PSTPIP2: variants seen among roughly 807,000 people sequenced by gnomAD.
PSTPIP2 encodes proline-serine-threonine phosphatase-interacting protein 2.
A neutral mutation model predicts 63.3 loss-of-function variants in PSTPIP2; 33 were observed. The observed-to-expected ratio is 0.52, with a 90% CI of 0.40 to 0.70. The LOEUF (loss-of-function observed/expected upper bound fraction) is 0.70. PSTPIP2 is among the 30% of genes least tolerant of loss of function. PSTPIP2 has a pLI of 0.00. For synonymous variants in PSTPIP2, 125 were observed against 132.7 expected (o/e 0.94, Z 0.40); for missense variants, 312 against 400.7 (o/e 0.78, Z 1.89).
At chr18:45,990,635 G>A (rs2051518488) in intron 13 of PSTPIP2, 87 bp downstream of exon 13, 2 of 1,179,038 alleles carry the variant, frequency 1.7e-6, no homozygotes, top group East Asian at 2.4e-5. Flanking sequence ...TCACCATGTT[G>A]ACCAGGCTGG....
chr18:46,021,762 G>A lies in PSTPIP2; in HGVS notation c.212+2847C>T, dbSNP rs372745166. ...GGAGTTCAAGACCAGCCTGACCAACGTGGTAAAACCCTGTCTCTACTAAAA... is the reference window on the plus strand; with the variant it reads ...GGAGTTCAAGACCAGCCTGACCAACATGGTAAAACCCTGTCTCTACTAAAA... On this transcript the variant is annotated intron_variant, in intron 3 of 14. Coordinates refer to ENST00000409746, the MANE Select transcript of PSTPIP2 (RefSeq NM_024430.4). Among the ~76,000 whole-genome samples the A allele has an allele frequency of 4.9e-5, 7 of 142,658 alleles. No individual in the cohort carries two copies. The East Asian group carries it at 8.5e-4, about 17-fold the overall frequency. 93.6% of individuals were successfully genotyped at this position (142,658 alleles called of 152,430 possible). A position where few individuals can be genotyped will look rare whatever the true frequency, so the allele number is the denominator to read the frequency against.
intron 4 of PSTPIP2, among the ~76,000 whole-genome samples, chr18:46,012,758 C>T (rs7237813): frequency 0.13 from 19,266 of 151,978 alleles, 1,529 homozygotes; most frequent in East Asian, 0.37. Flanking sequence ...GGCAACAGAG[C>T]GAGACTCCAT....
intron 13 of PSTPIP2, among the ~76,000 whole-genome samples, chr18:45,989,100 C>G (rs2276196): frequency 0.24 from 36,640 of 152,038 alleles, 6,307 homozygotes; most frequent in African/African-American, 0.47. Flanking sequence ...TCATATTGTT[C>G]AAAGATATAA....
chr18:45,983,619 T>C lies in PSTPIP2; in HGVS notation c.*1840A>G, dbSNP rs1223398501. ...AATATTTTCCATCCACAAAACGGTT[T>C]TACATCAACTACACTGACCAATACA... On this transcript the variant is annotated 3_prime_UTR_variant, in exon 15 of 15. Coordinates refer to ENST00000409746, the MANE Select transcript of PSTPIP2 (RefSeq NM_024430.4). 2 of 152,158 alleles carry C rather than the reference T, an allele frequency of 1.3e-5. No homozygotes were observed. Among genetic ancestry groups the C allele is most frequent in the East Asian group, 3.8e-4 (2 of 5,196 alleles). 9.4% of individuals were successfully genotyped at this position (152,158 alleles called of 1,614,324 possible). A position where few individuals can be genotyped will look rare whatever the true frequency, so the allele number is the denominator to read the frequency against.
intron 2 of PSTPIP2, chr18:46,029,818 GA>G: frequency 2.1e-6 from 1 of 465,182 alleles, no homozygotes. Flanking sequence ...CTTGGGGAAT[GA>G]AAAGGGCAAG....
At position 46,038,469 on chromosome 18, in the gene PSTPIP2, A is replaced by T. The variant is rs540414876; in HGVS notation, c.134+1478T>A. ...ATTCCAAGGCCATTTCATTCCCAGG[A>T]GGAAATTTATAGAAGCCATAACTGG... On this transcript the variant is annotated intron_variant, in intron 2 of 14. Transcript: ENST00000409746. 8.5e-5 allele frequency among the ~76,000 whole-genome samples: 13 copies of T among 152,256 alleles called. No individual in the cohort carries two copies. In the South Asian group the frequency reaches 2.7e-3, roughly 32 times the overall value.
intron 1 of PSTPIP2, among the ~76,000 whole-genome samples, chr18:46,056,423 AT>A (rs967938501): frequency 6.6e-6 from 1 of 152,062 alleles, no homozygotes; most frequent in Admixed American, 6.5e-5. Context: ...TTTCTTTACA[AT>A]TTTGAGGGGC....
chr18:46,060,221 G>C, intron 1 of PSTPIP2, among the ~76,000 whole-genome samples: 1 of 152,030 alleles, frequency 6.6e-6, no homozygotes, highest in East Asian at 1.9e-4. Flanking sequence ...TTAGTGATTA[G>C]GGACTCTATT....
At chr18:46,050,041 C>A (rs1007916595) in intron 1 of PSTPIP2, among the ~76,000 whole-genome samples, 3 of 152,034 alleles carry the variant, frequency 2.0e-5, no homozygotes, top group Non-Finnish European at 4.4e-5. Context: ...AATTTTTCAT[C>A]CATCAAATTA....
At chr18:46,041,191 G>C (rs1470215974) in intron 1 of PSTPIP2, 2 of 395,000 alleles carry the variant, frequency 5.1e-6, no homozygotes, top group African/African-American at 4.2e-5. Context: ...CATGAAACAT[G>C]CTCTCCGTGG....
intron 1 of PSTPIP2, among the ~76,000 whole-genome samples, chr18:46,045,734 AT>A (rs943330142): frequency 2.0e-4 from 30 of 152,256 alleles, no homozygotes; most frequent in African/African-American, 6.7e-4. Context: ...AGAAAAAAAC[AT>A]TTTTTTAAAG....
At chr18:46,058,502 G>A (rs1245311732) in intron 1 of PSTPIP2, among the ~76,000 whole-genome samples, 1 of 151,790 alleles carries the variant, frequency 6.6e-6, no homozygotes, top group Non-Finnish European at 1.5e-5. Context: ...GACTACAGGG[G>A]TGCGCCACCA....
chr18:46,054,975 G>T (rs950754769), intron 1 of PSTPIP2, among the ~76,000 whole-genome samples: 9 of 152,114 alleles, frequency 5.9e-5, no homozygotes, highest in African/African-American at 2.2e-4. Context: ...TTTTAGCTTT[G>T]TAGGTAATTA....
intron 1 of PSTPIP2, among the ~76,000 whole-genome samples, chr18:46,049,234 C>T (rs2144120522): frequency 6.6e-6 from 1 of 152,216 alleles, no homozygotes; most frequent in East Asian, 1.9e-4. Context: ...ACCACACGTT[C>T]TCATTTACAA....
intron 1 of PSTPIP2, among the ~76,000 whole-genome samples, chr18:46,069,324 A>T (rs1268249181): frequency 6.6e-6 from 1 of 152,134 alleles, no homozygotes; most frequent in African/African-American, 2.4e-5. Context: ...TCACTGTCTT[A>T]TTCTGACAAG....
At chr18:46,065,753 C>A (rs1909167197) in intron 1 of PSTPIP2, among the ~76,000 whole-genome samples, 1 of 152,150 alleles carries the variant, frequency 6.6e-6, no homozygotes, top group South Asian at 2.1e-4. Context: ...GCGTAAGCCA[C>A]CGCGCCCGGC....
intron 3 of PSTPIP2, among the ~76,000 whole-genome samples, chr18:46,016,381 T>C (rs2051852608): frequency 6.6e-6 from 1 of 152,122 alleles, no homozygotes; most frequent in South Asian, 2.1e-4. Context: ...ATAAATAAAG[T>C]ATGGCAATTC....
chr18:45,994,615 TATAAA>T (rs1214940545), intron 9 of PSTPIP2, among the ~76,000 whole-genome samples: 1 of 152,188 alleles, frequency 6.6e-6, no homozygotes, highest in Non-Finnish European at 1.5e-5. Flanking sequence ...TAAAACTTGT[TATAAA>T]ATAAAACAAA....
chr18:45,990,431 TG>T (rs2051515646), intron 13 of PSTPIP2, among the ~76,000 whole-genome samples: 3 of 143,868 alleles, frequency 2.1e-5, no homozygotes, highest in African/African-American at 5.4e-5. Flanking sequence ...TTTTTTTGTT[TG>T]TTTGTTTGTT....
Sources: allele counts gnomAD v4.1 joint callset (sites outside exome capture counted in the v4.1 genomes callset), GRCh38; gene constraint gnomAD v4.1.1; transcripts MANE v1.5; gene names NCBI Gene and HGNC (gene_info 2026-07-23, HGNC 2026-07-21).